The following WWOX variants were observed in gnomAD, a reference collection of about 807,000 sequenced individuals.
The protein encoded by WWOX is WW domain containing oxidoreductase.
Under a neutral mutation model 46.2 loss-of-function variants are expected in WWOX, and 69 were observed. The ratio of observed to expected loss-of-function variants is 1.49; its 90% CI spans 1.23 to 1.82. The LOEUF (loss-of-function observed/expected upper bound fraction) is 1.82, where lower values mean the gene tolerates loss of function less well. Ranked by LOEUF, WWOX falls within the 40% of genes most tolerant of loss-of-function variation. The pLI is 0.00. For synonymous variants in WWOX, 359 were observed against 202.6 expected, an observed-to-expected ratio of 1.77 and a Z score of -6.56; for missense variants, 919 against 542.6, an observed-to-expected ratio of 1.69 and a Z score of -6.89.
intron 5 of WWOX, among the ~76,000 whole-genome samples, chr16:78,334,540 T>C (rs183687435): frequency 6.6e-6 from 1 of 152,136 alleles, no homozygotes; most frequent in Non-Finnish European, 1.5e-5. Flanking sequence ...ATGCTGTTTT[T>C]CCAGCCATCA....
intron 8 of WWOX, among the ~76,000 whole-genome samples, chr16:78,774,539 C>T (rs868784817): frequency 1.3e-5 from 2 of 149,898 alleles, no homozygotes; most frequent in Non-Finnish European, 3.0e-5. Flanking sequence ...TGTGCGCGTG[C>T]GCACACGCAT....
intron 8 of WWOX, among the ~76,000 whole-genome samples, chr16:78,791,488 C>T (rs974179769): frequency 1.3e-5 from 2 of 152,128 alleles, no homozygotes; most frequent in Admixed American, 1.3e-4. Flanking sequence ...GCACTTTGCC[C>T]TGTCGTGGTC....
chr16:78,490,335 C>T (rs2084749513), intron 8 of WWOX, among the ~76,000 whole-genome samples: 1 of 152,094 alleles, frequency 6.6e-6, no homozygotes, highest in African/African-American at 2.4e-5. Flanking sequence ...CAGGTACAAT[C>T]AGTCTATTTT....
At position 78,217,828 on chromosome 16, in the gene WWOX, C is replaced by G. The variant is rs907278911; in HGVS notation, c.516+53539C>G. ...GTGGAGACTCATCTTCTGCACAGGT[C>G]AAGTTCTGAAGTCAGCATATAAGCT... On this transcript the variant is annotated intron_variant, in intron 5 of 8. Coordinates refer to ENST00000566780, the MANE Select transcript of WWOX (RefSeq NM_016373.4). Among the ~76,000 whole-genome samples the G allele has an allele frequency of 5.9e-5, 9 of 152,116 alleles. 1 individual carries two copies. The highest frequency in any genetic ancestry group is 2.2e-4 in the African/African-American group (9 of 41,416).
intron 7 of WWOX, among the ~76,000 whole-genome samples, chr16:78,429,619 A>G (rs867462501): frequency 6.6e-5 from 10 of 152,130 alleles, no homozygotes; most frequent in East Asian, 1.9e-4. Flanking sequence ...CCTGTTGTCT[A>G]TGCCATGTAG....
At chr16:79,109,200 C>T (rs919265245) in intron 8 of WWOX, among the ~76,000 whole-genome samples, 3 of 152,246 alleles carry the variant, frequency 2.0e-5, no homozygotes, top group Middle Eastern at 3.4e-3. Context: ...TGTACTAAGC[C>T]GAAACGTATT....
chr16:78,560,146 G>A (rs1302985637), intron 8 of WWOX, among the ~76,000 whole-genome samples: 2 of 152,126 alleles, frequency 1.3e-5, no homozygotes, highest in Non-Finnish European at 2.9e-5. Flanking sequence ...CAAAAAATAT[G>A]CATAGTAGGG....
At chr16:79,091,971 G>C (rs1001305358) in intron 8 of WWOX, among the ~76,000 whole-genome samples, 1 of 151,816 alleles carries the variant, frequency 6.6e-6, no homozygotes, top group Non-Finnish European at 1.5e-5. Flanking sequence ...AGTAGAGACG[G>C]AGTTTCACCA....
At chr16:78,620,328 C>A (rs1597358346) in intron 8 of WWOX, among the ~76,000 whole-genome samples, 1 of 152,194 alleles carries the variant, frequency 6.6e-6, no homozygotes, top group Non-Finnish European at 1.5e-5. Context: ...TGTATAGAAT[C>A]CCTGCATTGT....
At chr16:79,013,496 A>T (rs1300431794) in intron 8 of WWOX, among the ~76,000 whole-genome samples, 1 of 151,952 alleles carries the variant, frequency 6.6e-6, no homozygotes, top group East Asian at 1.9e-4. Context: ...ATGTCCCCCC[A>T]TGAAGTCACT....
intron 5 of WWOX, among the ~76,000 whole-genome samples, chr16:78,353,382 C>T (rs1245383024): frequency 2.0e-5 from 3 of 152,172 alleles, no homozygotes; most frequent in East Asian, 1.9e-4. Flanking sequence ...TGAAGAGTTA[C>T]CTGTGAGCCT....
intron 8 of WWOX, among the ~76,000 whole-genome samples, chr16:79,049,905 G>A (rs1412702880): frequency 6.6e-6 from 1 of 151,914 alleles, no homozygotes; most frequent in East Asian, 1.9e-4. Flanking sequence ...CCATGCAGAA[G>A]GACATGGAGT....
chr16:78,112,165 T>C (rs2032529324), intron 3 of WWOX, among the ~76,000 whole-genome samples: 1 of 152,198 alleles, frequency 6.6e-6, no homozygotes, highest in African/African-American at 2.4e-5. Context: ...CCTACAACTT[T>C]AAGGTTGAGC....
At chr16:78,198,130 A>G (rs1236965962) in intron 5 of WWOX, among the ~76,000 whole-genome samples, 1 of 152,024 alleles carries the variant, frequency 6.6e-6, no homozygotes, top group Non-Finnish European at 1.5e-5. Context: ...CCAGGTCTCC[A>G]GTCTGAGGAG....
intron 8 of WWOX, among the ~76,000 whole-genome samples, chr16:79,146,248 T>C (rs2050180857): frequency 6.6e-6 from 1 of 152,200 alleles, no homozygotes; most frequent in Admixed American, 6.5e-5. Context: ...TGCATTTTTA[T>C]TTCTTATCAA....
intron 8 of WWOX, among the ~76,000 whole-genome samples, chr16:78,789,595 T>G (rs950588636): frequency 6.6e-6 from 1 of 152,226 alleles, no homozygotes. Context: ...TCTCCAACTT[T>G]GTTCTTCATT....
intron 8 of WWOX, among the ~76,000 whole-genome samples, chr16:78,836,266 T>G (rs1480796651): frequency 6.6e-6 from 1 of 152,078 alleles, no homozygotes; most frequent in African/African-American, 2.4e-5. Flanking sequence ...CTTGGCAAGT[T>G]GTACTGCTGT....
chr16:78,150,982 A>C (rs2034385138), intron 4 of WWOX, among the ~76,000 whole-genome samples: 1 of 151,234 alleles, frequency 6.6e-6, no homozygotes, highest in South Asian at 2.1e-4. Flanking sequence ...GGCTCAAGTG[A>C]TCCTCCCACC....
At chr16:78,410,272 C>T (rs999670348) in intron 6 of WWOX, among the ~76,000 whole-genome samples, 6 of 152,136 alleles carry the variant, frequency 3.9e-5, no homozygotes, top group Non-Finnish European at 1.5e-5. Flanking sequence ...ATAAATTATC[C>T]AGCCTCAGTT....
Sources: allele counts gnomAD v4.1 joint callset (sites outside exome capture counted in the v4.1 genomes callset), GRCh38; gene constraint gnomAD v4.1.1; transcripts MANE v1.5; gene names NCBI Gene and HGNC (gene_info 2026-07-23, HGNC 2026-07-21).